HSD17B4: variants seen among roughly 807,000 people sequenced by gnomAD.
The protein encoded by HSD17B4 is hydroxysteroid 17-beta dehydrogenase 4, also known as peroxisomal multifunctional enzyme type 2.
A neutral mutation model predicts 101.0 loss-of-function variants in HSD17B4; 70 were observed. The observed-to-expected ratio is 0.69, with a 90% CI of 0.57 to 0.85. The LOEUF is 0.85. Among genes scored for constraint, HSD17B4 ranks in the 40% least tolerant of loss-of-function variants. HSD17B4 has a pLI of 0.00. For missense variants in HSD17B4, 984 were observed against 892.4 expected, an observed-to-expected ratio of 1.10 and a Z score of -1.31; for synonymous variants, 347 against 297.1, an observed-to-expected ratio of 1.17 and a Z score of -1.73.
At chr5:119,528,949 A>C (rs564568367) in intron 20 of HSD17B4, among the ~76,000 whole-genome samples, 6 of 152,162 alleles carry the variant, frequency 3.9e-5, no homozygotes, top group African/African-American at 1.4e-4. Context: ...TTAAGATATA[A>C]GAAACATTTT....
chr5:119,481,024 A>G (rs190450232), intron 8 of HSD17B4, among the ~76,000 whole-genome samples: 1 of 152,298 alleles, frequency 6.6e-6, no homozygotes, highest in African/African-American at 2.4e-5. Flanking sequence ...CTCAGATTTC[A>G]TATTGCACAA....
chr5:119,484,672 C>T (rs1445404405), intron 8 of HSD17B4, among the ~76,000 whole-genome samples: 1 of 152,078 alleles, frequency 6.6e-6, no homozygotes, highest in African/African-American at 2.4e-5. Flanking sequence ...CTCCATGGAA[C>T]ACAAATACTT....
Position 119,515,017 on chromosome 5 carries a change from G to A in HSD17B4, c.1474G>A (p.Val492Ile). Residue 492 changes from valine (V) to isoleucine (I), a missense_variant, in exon 17 of 24, where the codon GTA (valine) becomes ATA (isoleucine). By Grantham distance (29) the Val-to-Ile change is conservative. Coordinates refer to ENST00000510025, the MANE Select transcript of HSD17B4 (RefSeq NM_000414.4). ...CATACCTAATAGACCTCCTGATGCT[G>A]TACTTACAGATACCACCTCTCTTAA... The part of the protein sequence containing the change: ...VAIPNRPPDA[V>I]LTDTTSLNQA... 6.3e-7 allele frequency: 1 copy of A among 1,586,578 alleles called. No individual in the cohort carries two copies. The highest frequency in any genetic ancestry group is 8.7e-7 in the Non-Finnish European group (1 of 1,155,164).
chr5:119,483,513 TTAA>T (rs779442030), intron 8 of HSD17B4, among the ~76,000 whole-genome samples: 3 of 152,172 alleles, frequency 2.0e-5, no homozygotes, highest in Admixed American at 6.6e-5. Flanking sequence ...ATTTTCCCAT[TTAA>T]TAAAATAGTG....
chr5:119,473,362 A>G (rs1748219635), intron 2 of HSD17B4, among the ~76,000 whole-genome samples: 1 of 118,750 alleles, frequency 8.4e-6, no homozygotes, highest in African/African-American at 3.4e-5. Flanking sequence ...TCTGTTGCCC[A>G]GGCTGGAGTG....
chr5:119,477,401 T>C lies in HSD17B4; in HGVS notation c.350-16T>C. Reference sequence around the variant, plus strand: ...GTTTTTACAAAATATTTAATAAAAATAATTTATTGTTTTAGATATAATCCA... The same window carrying C: ...GTTTTTACAAAATATTTAATAAAAACAATTTATTGTTTTAGATATAATCCA... On this transcript the variant is annotated splice_polypyrimidine_tract_variant and intron_variant, in intron 6 of 23. Coordinates refer to ENST00000510025, the MANE Select transcript of HSD17B4 (RefSeq NM_000414.4). 1.3e-6 allele frequency: 2 copies of C among 1,544,578 alleles called. No homozygotes were observed. The highest frequency in any genetic ancestry group is 1.8e-6 in the Non-Finnish European group (2 of 1,120,970).
At chr5:119,476,400 A>AT (rs998004061) in intron 6 of HSD17B4, 310 of 180,746 alleles carry the variant, frequency 1.7e-3, no homozygotes, top group Middle Eastern at 2.7e-3. Context: ...ACAGTTAAGA[A>AT]TTTTTTTTTT....
chr5:119,525,711 T>C (rs1753526082), intron 18 of HSD17B4: 1 of 572,478 alleles, frequency 1.7e-6, no homozygotes, highest in African/African-American at 2.1e-5. Flanking sequence ...TTTTCCTGTT[T>C]TGTTTTTTTT....
At chr5:119,519,244 CA>C (rs1752906570) in intron 17 of HSD17B4, among the ~76,000 whole-genome samples, 1 of 152,068 alleles carries the variant, frequency 6.6e-6, no homozygotes, top group South Asian at 2.1e-4. Context: ...CTAGACAGAC[CA>C]AACAGCAAGT....
At chr5:119,506,919 T>C (rs764649261) in intron 15 of HSD17B4, 30 bp downstream of exon 15, 1 of 1,132,552 alleles carries the variant, frequency 8.8e-7, no homozygotes, top group East Asian at 2.4e-5. Flanking sequence ...TATAATAATA[T>C]TGTTAGATTG....
intron 23 of HSD17B4, among the ~76,000 whole-genome samples, chr5:119,537,790 A>G (rs772721077): frequency 2.0e-5 from 3 of 152,176 alleles, no homozygotes; most frequent in Non-Finnish European, 2.9e-5. Flanking sequence ...CTGTGTTCCA[A>G]TAAAACTTTA....
chr5:119,539,360 C>G (rs1754788602), intron 23 of HSD17B4, among the ~76,000 whole-genome samples: 1 of 146,944 alleles, frequency 6.8e-6, no homozygotes, highest in Admixed American at 7.1e-5. Context: ...ACCGCATGTT[C>G]TCACATGTGG....
intron 17 of HSD17B4, among the ~76,000 whole-genome samples, chr5:119,515,578 A>G (rs1229675104): frequency 6.6e-6 from 1 of 152,166 alleles, no homozygotes; most frequent in Non-Finnish European, 1.5e-5. Flanking sequence ...GGTGAAGGAG[A>G]TAAAATGTCC....
rs1168350157 is a variant in HSD17B4, at chr5:119,521,919, G to GT, written c.1504-3285dup. Among the ~76,000 whole-genome samples the GT allele has an allele frequency of 3.1e-3, 438 of 142,040 alleles. 2 individuals carry two copies. The highest frequency in any genetic ancestry group is 7.9e-3 in the African/African-American group (310 of 39,100). 93.2% of individuals were successfully genotyped at this position (142,040 alleles called of 152,430 possible). A position where few individuals can be genotyped will look rare whatever the true frequency, so the allele number is the denominator to read the frequency against. On this transcript the variant is annotated intron_variant, in intron 17 of 23. Coordinates refer to ENST00000510025, the MANE Select transcript of HSD17B4 (RefSeq NM_000414.4). ...GTTTTGTTTTGCATTTTCAGTTTTG[G>GT]TTTTTTTTTTTTAAATATATATGTA...
chr5:119,457,759 G>T (rs1398692511), intron 2 of HSD17B4, among the ~76,000 whole-genome samples: 2 of 151,990 alleles, frequency 1.3e-5, no homozygotes, highest in African/African-American at 4.8e-5. Context: ...TAACGGCAAG[G>T]ATCTTGTTTT....
intron 3 of HSD17B4, 36 bp from the exon 4 acceptor site, chr5:119,474,364 GT>G (rs1561440771): frequency 7.2e-7 from 1 of 1,394,138 alleles, no homozygotes; most frequent in African/African-American, 1.4e-5. Flanking sequence ...TGGAAGGGAG[GT>G]TGCCGAAATT....
At chr5:119,475,303 T>C (rs1012560566) in intron 4 of HSD17B4, among the ~76,000 whole-genome samples, 2 of 149,076 alleles carry the variant, frequency 1.3e-5, no homozygotes, top group African/African-American at 5.1e-5. Flanking sequence ...GGTTTTCTTT[T>C]TGGACTTTTT....
chr5:119,507,043 T>A (rs1053457206), intron 15 of HSD17B4, among the ~76,000 whole-genome samples, 154 bp downstream of exon 15: 1 of 152,042 alleles, frequency 6.6e-6, no homozygotes, highest in African/African-American at 2.4e-5. Flanking sequence ...TTAAGAAAAA[T>A]AAAGAAGGAG....
At chr5:119,537,134 A>C (rs577701029) in intron 23 of HSD17B4, among the ~76,000 whole-genome samples, 1 of 152,256 alleles carries the variant, frequency 6.6e-6, no homozygotes, top group East Asian at 1.9e-4. Context: ...GAACTAACTT[A>C]TTGATTCTTA....
Sources: gnomAD v4.1 joint callset for allele counts (sites outside exome capture counted in the v4.1 genomes callset) on GRCh38, gnomAD v4.1.1 for gene constraint, MANE v1.5 for transcripts, NCBI Gene and HGNC (gene_info 2026-07-23, HGNC 2026-07-21) for gene names.